Variants in ZMYND11 observed in about 807,000 individuals in gnomAD.
The protein encoded by ZMYND11 is zinc finger MYND-type containing 11, also known as zinc finger MYND domain-containing protein 11.
ZMYND11 carries 9 observed loss-of-function variants against 84.9 expected under a neutral mutation model. That is an observed-to-expected ratio of 0.11 (90% CI 0.06 to 0.18). ZMYND11 has a LOEUF of 0.18. ZMYND11 is among the 10% of genes least tolerant of loss of function. The pLI is 1.00. For missense variants in ZMYND11, 409 were observed against 761.0 expected (o/e 0.54, Z 5.44); for synonymous variants, 250 against 244.1 (o/e 1.02, Z -0.23).
At chr10:238,360 TTTC>T (rs1444081492) in intron 6 of ZMYND11, among the ~76,000 whole-genome samples, 1 of 149,036 alleles carries the variant, frequency 6.7e-6, no homozygotes, top group Non-Finnish European at 1.5e-5. Context: ...ACAAGTTTCT[TTTC>T]TTTTTTTTTT....
chr10:143,758 A>G (rs1838023895), intron 1 of ZMYND11, among the ~76,000 whole-genome samples: 1 of 152,184 alleles, frequency 6.6e-6, no homozygotes, highest in African/African-American at 2.4e-5. Context: ...TTATTTTACC[A>G]GTCTGCACGT....
At chr10:157,191 T>C (rs1588510413) in intron 1 of ZMYND11, among the ~76,000 whole-genome samples, 1 of 152,178 alleles carries the variant, frequency 6.6e-6, no homozygotes, top group East Asian at 1.9e-4. Context: ...AAAATTTCCG[T>C]AATAGCTTTT....
At position 147,295 on chromosome 10, in the gene ZMYND11, A is replaced by C. The variant is rs1166053798; in HGVS notation, c.-20+11736A>C. On this transcript the variant is annotated intron_variant, in intron 1 of 14. Transcript: ENST00000381604. ...GACTTCCAGTACTGTGTTGAATAGA[A>C]GTGTTGAAAGTAGGTATCCTTGTCT... Among the ~76,000 whole-genome samples the C allele has an allele frequency of 3.9e-5, 6 of 152,262 alleles. No individual in the cohort carries two copies. In the South Asian group the frequency reaches 8.3e-4, roughly 21 times the overall value.
intron 4 of ZMYND11, among the ~76,000 whole-genome samples, chr10:224,651 T>TTTTG (rs531097334): frequency 1.3e-3 from 192 of 152,340 alleles, no homozygotes; most frequent in African/African-American, 4.2e-3. Context: ...GTGTGTGTCA[T>TTTTG]TTTGTTTGTA....
intron 1 of ZMYND11, among the ~76,000 whole-genome samples, chr10:161,341 T>C (rs562395387): frequency 3.5e-4 from 53 of 152,300 alleles, no homozygotes; most frequent in Admixed American, 2.9e-3. Context: ...ACAGACATGC[T>C]GTCATGTAGG....
chr10:209,287 C>T (rs1196846655), intron 2 of ZMYND11, among the ~76,000 whole-genome samples: 1 of 152,006 alleles, frequency 6.6e-6, no homozygotes, highest in African/African-American at 2.4e-5. Flanking sequence ...TACCTTGTAA[C>T]GGTAAATCAG....
chr10:161,853 A>G (rs1348956600), intron 1 of ZMYND11, among the ~76,000 whole-genome samples: 1 of 152,120 alleles, frequency 6.6e-6, no homozygotes, highest in African/African-American at 2.4e-5. Context: ...CCACTAAAAT[A>G]TTTTCCAAAG....
rs1939218744 is a variant in ZMYND11 at position 188,045 on chromosome 10, A to G, written c.116+7917A>G. Among the ~76,000 whole-genome samples the G allele has an allele frequency of 2.0e-5, 3 of 152,226 alleles. No individual in the cohort carries two copies. In the South Asian group the frequency reaches 6.2e-4, roughly 31 times the overall value. Reference sequence around the variant, plus strand: ...ACAGGCAATAGCAGCTTCTCTTTTCAGTTTAAATGTCTGTAAATGCTAAAT... The same window carrying G: ...ACAGGCAATAGCAGCTTCTCTTTTCGGTTTAAATGTCTGTAAATGCTAAAT... On this transcript the variant is annotated intron_variant, in intron 2 of 14. Transcript: ENST00000381604.
chr10:227,062 A>C (rs1948263965), intron 4 of ZMYND11, among the ~76,000 whole-genome samples: 1 of 152,212 alleles, frequency 6.6e-6, no homozygotes, highest in Non-Finnish European at 1.5e-5. Flanking sequence ...CAGCCCACTT[A>C]ACAAGATGTA....
intron 1 of ZMYND11, among the ~76,000 whole-genome samples, chr10:158,593 T>A (rs1842234041): frequency 6.6e-6 from 1 of 150,436 alleles, no homozygotes; most frequent in Admixed American, 6.6e-5. Flanking sequence ...ATTTTTTTTT[T>A]TTTTTTTTGT....
At chr10:136,307 A>G (rs1205240374) in intron 1 of ZMYND11, among the ~76,000 whole-genome samples, 2 of 152,060 alleles carry the variant, frequency 1.3e-5, no homozygotes, top group Non-Finnish European at 2.9e-5. Flanking sequence ...AGCCGGGAGG[A>G]GGAGGAGCTG....
Position 236,822 on chromosome 10 carries a change from C to G in ZMYND11, c.439-16C>G, listed in dbSNP as rs1033082877. 4 of 1,573,120 alleles carry G rather than the reference C, an allele frequency of 2.5e-6. No individual in the cohort carries two copies. Among genetic ancestry groups the G allele is most frequent in the African/African-American group, 1.4e-5 (1 of 72,986 alleles). ...ATCAGATTTTGTACCTTTTTTTATTCTTTTTTTTTCAATAGAGCATTAAGA... is the reference window on the plus strand; with the variant it reads ...ATCAGATTTTGTACCTTTTTTTATTGTTTTTTTTTCAATAGAGCATTAAGA... On this transcript the variant is annotated splice_polypyrimidine_tract_variant and intron_variant, in intron 4 of 14. Transcript: ENST00000381604.
chr10:190,963 C>CT (rs1251682093), intron 2 of ZMYND11, among the ~76,000 whole-genome samples: 1 of 151,912 alleles, frequency 6.6e-6, no homozygotes, highest in East Asian at 1.9e-4. Context: ...ATTCTGCTTC[C>CT]TTTTGATGGT....
chr10:139,018 C>T (rs1364951639), intron 1 of ZMYND11, among the ~76,000 whole-genome samples: 3 of 151,966 alleles, frequency 2.0e-5, no homozygotes, highest in Non-Finnish European at 4.4e-5. Context: ...TTTCACCATG[C>T]CGGTCTTAAA....
chr10:249,992 A>G (rs952247899), intron 14 of ZMYND11, among the ~76,000 whole-genome samples: 20 of 152,208 alleles, frequency 1.3e-4, no homozygotes, highest in Admixed American at 7.2e-4. Flanking sequence ...GGAGGGAAAA[A>G]GAGAACTTTA....
intron 4 of ZMYND11, among the ~76,000 whole-genome samples, chr10:233,090 CTCTTA>C: frequency 3.3e-5 from 5 of 152,192 alleles, no homozygotes; most frequent in Non-Finnish European, 7.3e-5. Context: ...TGGTGCAGTG[CTCTTA>C]ACCACACCTA....
At chr10:131,897 A>G (rs1236846874), upstream of ZMYND11, among the ~76,000 whole-genome samples, 1 of 152,166 alleles carries the variant, frequency 6.6e-6, no homozygotes, top group African/African-American at 2.4e-5. Flanking sequence ...GGCAGCATCA[A>G]TGAATGGTAA....
At chr10:225,767 C>T (rs891050746) in intron 4 of ZMYND11, among the ~76,000 whole-genome samples, 28 of 152,316 alleles carry the variant, frequency 1.8e-4, no homozygotes, top group African/African-American at 6.5e-4. Flanking sequence ...TGTGCATGTG[C>T]TCCATGCTTG....
chr10:200,205 GGTGTGT>G (rs71374347), intron 2 of ZMYND11, among the ~76,000 whole-genome samples: 1 of 132,434 alleles, frequency 7.6e-6, no homozygotes, highest in Non-Finnish European at 1.6e-5. Context: ...GCCTGGCTAG[GGTGTGT>G]GTGTGTGTGT....
Sources: allele counts gnomAD v4.1 joint callset (sites outside exome capture counted in the v4.1 genomes callset), GRCh38; gene constraint gnomAD v4.1.1; transcripts MANE v1.5; gene names NCBI Gene and HGNC (gene_info 2026-07-23, HGNC 2026-07-21).